OR51B5: variants seen among roughly 807,000 people sequenced by gnomAD.
The protein encoded by OR51B5 is olfactory receptor family 51 subfamily B member 5, also known as olfactory receptor 51B5.
For missense variants in OR51B5, 456 were observed against 374.6 expected (o/e 1.22, Z -1.79); for synonymous variants, 186 against 144.8 (o/e 1.28, Z -2.04).
chr11:5,439,758 T>C (rs1204594241), intron 1 of OR51B5, among the ~76,000 whole-genome samples: 1 of 152,168 alleles, frequency 6.6e-6, no homozygotes, highest in Non-Finnish European at 1.5e-5. Flanking sequence ...GCACAGCAGA[T>C]GGGCATCAAT....
chr11:5,444,007 T>C (rs148692672), intron 1 of OR51B5, among the ~76,000 whole-genome samples: 1 of 152,088 alleles, frequency 6.6e-6, no homozygotes, highest in Non-Finnish European at 1.5e-5. Context: ...TCACACAAAA[T>C]ACTATCATGC....
chr11:5,374,007 G>A (rs1467391790), intron 1 of OR51B5, among the ~76,000 whole-genome samples: 2 of 152,206 alleles, frequency 1.3e-5, no homozygotes, highest in African/African-American at 4.8e-5. Context: ...CTGGAGATCT[G>A]AGAACGGGCA....
intron 1 of OR51B5, among the ~76,000 whole-genome samples, chr11:5,504,338 T>C (rs1200172377): frequency 6.6e-6 from 1 of 152,246 alleles, no homozygotes; most frequent in Non-Finnish European, 1.5e-5. Context: ...CGGCTTGTTT[T>C]TCTGCTTTCT....
chr11:5,426,454 A>T (rs1283502978), intron 1 of OR51B5, among the ~76,000 whole-genome samples: 1 of 152,210 alleles, frequency 6.6e-6, no homozygotes, highest in Non-Finnish European at 1.5e-5. Context: ...TATTAAATAT[A>T]TGAAACAACC....
intron 1 of OR51B5, among the ~76,000 whole-genome samples, chr11:5,385,835 T>A (rs1298374454): frequency 6.7e-6 from 1 of 148,338 alleles, no homozygotes; most frequent in East Asian, 2.0e-4. Context: ...GAATATATAA[T>A]GTATATACTA....
intron 1 of OR51B5, among the ~76,000 whole-genome samples, chr11:5,409,534 C>T (rs1217195136): frequency 6.6e-6 from 1 of 151,584 alleles, no homozygotes; most frequent in Non-Finnish European, 1.5e-5. Flanking sequence ...AAAATAAATG[C>T]ATTTAAAAGA....
In OR51B5 at chr11:5,349,514, A is replaced by T. The variant is rs1246249728; in HGVS notation, n.85-2604T>A. 2.0e-5 allele frequency among the ~76,000 whole-genome samples: 3 copies of T among 152,196 alleles called. No individual in the cohort carries two copies. In the East Asian group the frequency reaches 5.8e-4, roughly 29 times the overall value. On this transcript the variant is annotated intron_variant and non_coding_transcript_variant, in intron 1 of 4. Coordinates refer to the OR51B5 transcript ENST00000415970. ...CTCCCAGCTTTATTTAGGTATATTT[A>T]AAATTTGCTAAGAAAGCAGACCTCA...
At chr11:5,470,471 T>A (rs1851211509) in intron 1 of OR51B5, among the ~76,000 whole-genome samples, 2 of 152,210 alleles carry the variant, frequency 1.3e-5, no homozygotes, top group African/African-American at 4.8e-5. Context: ...ATGTCCTCCA[T>A]GTCTCTGCTC....
chr11:5,376,220 C>G (rs565156243), intron 1 of OR51B5, among the ~76,000 whole-genome samples: 1 of 152,050 alleles, frequency 6.6e-6, no homozygotes, highest in South Asian at 2.1e-4. Flanking sequence ...CTACTGGGTA[C>G]ATAACGAAAT....
chr11:5,361,148 G>C (rs1257870527), intron 1 of OR51B5, among the ~76,000 whole-genome samples: 1 of 59,602 alleles, frequency 1.7e-5, no homozygotes, highest in Non-Finnish European at 4.1e-5. Flanking sequence ...AATAATAAAA[G>C]AAAGAAAGAA....
intron 1 of OR51B5, among the ~76,000 whole-genome samples, chr11:5,366,028 C>T (rs923266697): frequency 2.0e-5 from 3 of 151,626 alleles, no homozygotes; most frequent in African/African-American, 7.3e-5. Flanking sequence ...AACCAACCAC[C>T]CTATGGAGCA....
Position 5,389,281 on chromosome 11 carries a change from G to C in OR51B5, n.85-42371C>G, listed in dbSNP as rs76916051. The C allele has an allele frequency of 2.1e-5, 20 of 960,970 alleles. 1 individual carries two copies. In the South Asian group the frequency reaches 2.9e-4, roughly 14 times the overall value. The allele number at this position is 960,970 out of a possible 1,614,324, so 59.5% of individuals were successfully genotyped here. A position where few individuals can be genotyped will look rare whatever the true frequency, so the allele number is the denominator to read the frequency against. ...GATTGGCAGAATTCATAAGGGTGGA[G>C]TAGATAATACTAAAGGTGATGATGA... On this transcript the variant is annotated intron_variant and non_coding_transcript_variant, in intron 1 of 4. Transcript: ENST00000415970.
intron 1 of OR51B5, among the ~76,000 whole-genome samples, chr11:5,493,676 G>A (rs1851609175): frequency 6.6e-6 from 1 of 152,286 alleles, no homozygotes; most frequent in Admixed American, 6.5e-5. Flanking sequence ...CCAGGCCAGA[G>A]GAGCCCTAGG....
intron 1 of OR51B5, among the ~76,000 whole-genome samples, chr11:5,439,685 A>C (rs1255747552): frequency 6.6e-6 from 1 of 152,174 alleles, no homozygotes; most frequent in African/African-American, 2.4e-5. Context: ...ATTGATCTGG[A>C]AATCATATAT....
intron 1 of OR51B5, among the ~76,000 whole-genome samples, chr11:5,376,734 C>T (rs1215450630): frequency 1.3e-5 from 2 of 151,896 alleles, no homozygotes; most frequent in African/African-American, 2.4e-5. Flanking sequence ...TTCCTGGACA[C>T]ATACACTATC....
Position 5,434,037 on chromosome 11 carries a change from C to T in OR51B5, n.84+71532G>A, listed in dbSNP as rs78891803. Among the ~76,000 whole-genome samples the T allele has an allele frequency of 7.4e-3, 1,125 of 152,228 alleles. 9 individuals are homozygous for T. The highest frequency in any genetic ancestry group is 0.026 in the African/African-American group (1,079 of 41,556). ...TACCAATTTATTTATCTTGAGTCTA[C>T]CTTATTGATCAGCGGTTCTCAACCT... On this transcript the variant is annotated intron_variant and non_coding_transcript_variant, in intron 1 of 4. Coordinates refer to the OR51B5 transcript ENST00000415970.
chr11:5,428,748 G>T (rs1211369464), intron 1 of OR51B5, among the ~76,000 whole-genome samples: 2 of 152,168 alleles, frequency 1.3e-5, no homozygotes, highest in African/African-American at 2.4e-5. Context: ...AACCATAAGA[G>T]AATTTAGTTT....
intron 1 of OR51B5, among the ~76,000 whole-genome samples, chr11:5,459,146 A>G (rs1564820440): frequency 6.6e-6 from 1 of 152,090 alleles, no homozygotes; most frequent in Non-Finnish European, 1.5e-5. Context: ...TAGTTTATTG[A>G]GTGTTTTTAG....
At chr11:5,428,851 T>TGAAA (rs998629474) in intron 1 of OR51B5, among the ~76,000 whole-genome samples, 13 of 152,306 alleles carry the variant, frequency 8.5e-5, no homozygotes, top group Admixed American at 3.3e-4. Context: ...GTAAGGCTAA[T>TGAAA]GAAAGACTAC....
Sources: gnomAD v4.1 joint callset for allele counts (sites outside exome capture counted in the v4.1 genomes callset) on GRCh38, gnomAD v4.1.1 for gene constraint, MANE v1.5 for transcripts, NCBI Gene and HGNC (gene_info 2026-07-23, HGNC 2026-07-21) for gene names.